Variants in STYXL1 observed in about 807,000 individuals in gnomAD.
The protein encoded by STYXL1 is serine/threonine/tyrosine interacting like 1.
In STYXL1, 32 loss-of-function variants were observed where a neutral mutation model predicts 36.4. The observed-to-expected ratio is 0.88, with a 90% CI of 0.66 to 1.18. The LOEUF (loss-of-function observed/expected upper bound fraction) is 1.18. STYXL1 is among the 50% of genes most tolerant of loss of function. The pLI is 0.00. For synonymous variants in STYXL1, 133 were observed against 144.1 expected, an observed-to-expected ratio of 0.92 and a Z score of 0.55; for missense variants, 354 against 394.1, an observed-to-expected ratio of 0.90 and a Z score of 0.86.
chr7:76,036,191 C>G (rs1563520200), intron 1 of STYXL1, among the ~76,000 whole-genome samples: 1 of 150,082 alleles, frequency 6.7e-6, no homozygotes, highest in Non-Finnish European at 1.5e-5. Flanking sequence ...ACCTCCACCT[C>G]CCGGGTTCGA....
At chr7:76,041,130 A>G (rs1038688709) in intron 1 of STYXL1, among the ~76,000 whole-genome samples, 13 of 151,866 alleles carry the variant, frequency 8.6e-5, no homozygotes, top group Non-Finnish European at 1.3e-4. Context: ...TGAGGCCAGG[A>G]ATTCAAGACC....
intron 1 of STYXL1, among the ~76,000 whole-genome samples, chr7:76,039,652 T>C (rs189255489): frequency 6.6e-5 from 10 of 152,234 alleles, no homozygotes; most frequent in Admixed American, 5.9e-4. Context: ...GTATCTACTA[T>C]CACCTTTTTT....
chr7:76,002,224 G>A (rs1791043877), intron 7 of STYXL1, among the ~76,000 whole-genome samples: 1 of 152,186 alleles, frequency 6.6e-6, no homozygotes, highest in African/African-American at 2.4e-5. Context: ...ACTTCATACA[G>A]TTTGGTTTTG....
intron 1 of STYXL1, among the ~76,000 whole-genome samples, chr7:76,036,056 A>G (rs951912145): frequency 4.0e-5 from 6 of 149,958 alleles, no homozygotes; most frequent in African/African-American, 1.5e-4. Context: ...ACTGAGCACA[A>G]GTAACCATCC....
At chr7:76,029,261 C>G (rs2116277937) in intron 2 of STYXL1, among the ~76,000 whole-genome samples, 1 of 152,230 alleles carries the variant, frequency 6.6e-6, no homozygotes, top group Non-Finnish European at 1.5e-5. Flanking sequence ...ATTTTCCTGC[C>G]TCAGCCTCCC....
chr7:76,002,537 G>C (rs554789324), intron 7 of STYXL1, among the ~76,000 whole-genome samples: 1 of 152,252 alleles, frequency 6.6e-6, no homozygotes, highest in African/African-American at 2.4e-5. Context: ...TCCCTCCTTG[G>C]GCCACAAGGC....
intron 1 of STYXL1, among the ~76,000 whole-genome samples, chr7:76,032,986 C>T (rs1206506795): frequency 6.6e-6 from 1 of 152,012 alleles, no homozygotes; most frequent in Admixed American, 6.6e-5. Context: ...ATGGCCTCTA[C>T]GTTAAGGATC....
At chr7:76,021,601 C>T (rs528167828) in intron 4 of STYXL1, among the ~76,000 whole-genome samples, 1 of 152,230 alleles carries the variant, frequency 6.6e-6, no homozygotes, top group Admixed American at 6.5e-5. Context: ...CCCAACTTTC[C>T]AGTCCCTCAC....
intron 1 of STYXL1, among the ~76,000 whole-genome samples, chr7:76,039,899 A>G (rs561473037): frequency 1.3e-5 from 2 of 152,072 alleles, no homozygotes; most frequent in Non-Finnish European, 1.5e-5. Context: ...CACCTGCCTC[A>G]ACTTCCCAAA....
chr7:76,013,944 G>A (rs782023393), intron 4 of STYXL1, 57 bp from the exon 5 acceptor site: 69 of 1,514,722 alleles, frequency 4.6e-5, no homozygotes, highest in Non-Finnish European at 6.0e-5. Flanking sequence ...TTGGTCTAGA[G>A]CTGGGATAGA....
chr7:76,031,885 G>A (rs782687053), intron 1 of STYXL1, among the ~76,000 whole-genome samples: 2 of 152,184 alleles, frequency 1.3e-5, no homozygotes, highest in Non-Finnish European at 2.9e-5. Context: ...GGAAATAACT[G>A]TGGTAAACAA....
chr7:76,028,980 C>T (rs1795038134), intron 2 of STYXL1, among the ~76,000 whole-genome samples: 1 of 151,790 alleles, frequency 6.6e-6, no homozygotes, highest in African/African-American at 2.4e-5. Flanking sequence ...AAAAATTAGC[C>T]GGGCGTGGTG....
At chr7:76,032,889 G>T (rs1554579764) in intron 1 of STYXL1, among the ~76,000 whole-genome samples, 1 of 152,114 alleles carries the variant, frequency 6.6e-6, no homozygotes, top group African/African-American at 2.4e-5. Flanking sequence ...AGAACATTCT[G>T]CTTGGAGCAG....
At chr7:76,034,252 G>C (rs987145779) in intron 1 of STYXL1, among the ~76,000 whole-genome samples, 3 of 148,170 alleles carry the variant, frequency 2.0e-5, no homozygotes, top group African/African-American at 7.3e-5. Context: ...ACAGGCACAT[G>C]CCACCATGGC....
At chr7:76,021,528 A>G (rs1554576191) in intron 4 of STYXL1, among the ~76,000 whole-genome samples, 2 of 152,112 alleles carry the variant, frequency 1.3e-5, no homozygotes, top group Non-Finnish European at 2.9e-5. Flanking sequence ...GAGCTGACTC[A>G]CCAAAGAACG....
intron 5 of STYXL1, among the ~76,000 whole-genome samples, chr7:76,006,778 A>C (rs6973522): frequency 0.95 from 140,769 of 148,104 alleles, 67,140 homozygotes; most frequent in Non-Finnish European, 0.99. Context: ...AAAAAAAAAA[A>C]AAAACAAAAC....
chr7:76,024,293 C>T (rs1794415307), intron 3 of STYXL1, among the ~76,000 whole-genome samples: 1 of 152,146 alleles, frequency 6.6e-6, no homozygotes, highest in African/African-American at 2.4e-5. Flanking sequence ...TCACCACACC[C>T]ACTTTTAGGG....
chr7:76,018,402 T>A (rs1010030012), intron 4 of STYXL1, among the ~76,000 whole-genome samples: 1 of 152,186 alleles, frequency 6.6e-6, no homozygotes. Flanking sequence ...TTTATTTTTT[T>A]TTTTTTGAGA....
chr7:75,998,306 T>TC (rs1790389123), intron 8 of STYXL1, among the ~76,000 whole-genome samples: 1 of 151,404 alleles, frequency 6.6e-6, no homozygotes, highest in Non-Finnish European at 1.5e-5. Context: ...AAGCAATTTT[T>TC]TTTTTTTTTG....
Sources: allele counts gnomAD v4.1 joint callset (sites outside exome capture counted in the v4.1 genomes callset), GRCh38; gene constraint gnomAD v4.1.1; transcripts MANE v1.5; gene names NCBI Gene and HGNC (gene_info 2026-07-23, HGNC 2026-07-21).